Variants in ANXA10 observed in about 807,000 individuals in gnomAD.
ANXA10 encodes annexin 14.
In ANXA10, 49 loss-of-function variants were observed where a neutral mutation model predicts 53.5. That is an observed-to-expected ratio of 0.92 (90% CI 0.73 to 1.16). ANXA10 has a LOEUF of 1.16. ANXA10 is among the 50% of genes most tolerant of loss of function. ANXA10 has a pLI of 0.00. For synonymous variants in ANXA10, 131 were observed against 128.9 expected (o/e 1.02, Z -0.11); for missense variants, 393 against 394.4 (o/e 1.00, Z 0.03).
At chr4:168,172,022 G>A (rs545927691) in intron 6 of ANXA10, among the ~76,000 whole-genome samples, 9 of 152,172 alleles carry the variant, frequency 5.9e-5, no homozygotes, top group South Asian at 2.1e-4. Flanking sequence ...TCAATTCATC[G>A]CCTCCAAATA....
At chr4:168,103,948 T>C (rs897659824) in intron 1 of ANXA10, among the ~76,000 whole-genome samples, 1 of 151,968 alleles carries the variant, frequency 6.6e-6, no homozygotes, top group South Asian at 2.1e-4. Context: ...AATAACATTC[T>C]TGCTTTCTTC....
chr4:168,151,987 T>C (rs1216282354), intron 3 of ANXA10, among the ~76,000 whole-genome samples: 2 of 152,214 alleles, frequency 1.3e-5, no homozygotes, highest in Non-Finnish European at 2.9e-5. Flanking sequence ...ATTCACTCAT[T>C]CATTTTGTAC....
intron 2 of ANXA10, among the ~76,000 whole-genome samples, chr4:168,130,116 C>A (rs572786999): frequency 6.6e-6 from 1 of 152,060 alleles, no homozygotes; most frequent in Non-Finnish European, 1.5e-5. Flanking sequence ...TTTTTGAAAA[C>A]GTTCATTATG....
intron 3 of ANXA10, among the ~76,000 whole-genome samples, chr4:168,153,442 C>CAAAAAAAAAAAAAAAAAAAAAAAAA (rs1560782282): frequency 2.3e-5 from 1 of 42,934 alleles, no homozygotes; most frequent in Non-Finnish European, 4.8e-5. Flanking sequence ...AAAAAAAAAA[C>CAAAAAAAAAAAAAAAAAAAAAAAAA]AAAAACAAAA....
intron 1 of ANXA10, among the ~76,000 whole-genome samples, chr4:168,120,689 T>C (rs1730970992): frequency 6.6e-6 from 1 of 152,074 alleles, no homozygotes; most frequent in Non-Finnish European, 1.5e-5. Context: ...TTACATAATG[T>C]TTGTATTTGA....
At chr4:168,168,367 G>T (rs759403290) in intron 6 of ANXA10, among the ~76,000 whole-genome samples, 9 of 152,166 alleles carry the variant, frequency 5.9e-5, no homozygotes, top group Non-Finnish European at 1.2e-4. Flanking sequence ...GAAGTTATTT[G>T]TCTTCAAGGA....
At chr4:168,135,116 A>C (rs551173286) in intron 2 of ANXA10, among the ~76,000 whole-genome samples, 18 of 152,314 alleles carry the variant, frequency 1.2e-4, no homozygotes, top group African/African-American at 4.3e-4. Context: ...AGGGAGAGAG[A>C]GTGAACTCAA....
chr4:168,156,436 T>C (rs1269276940), intron 3 of ANXA10, among the ~76,000 whole-genome samples: 1 of 126,548 alleles, frequency 7.9e-6, no homozygotes, highest in Non-Finnish European at 1.6e-5. Context: ...CTATATAATA[T>C]ATAATTTTAT....
chr4:168,182,431 C>G (rs369948512), intron 10 of ANXA10, among the ~76,000 whole-genome samples: 10 of 139,574 alleles, frequency 7.2e-5, no homozygotes, highest in Non-Finnish European at 1.4e-4. Flanking sequence ...CCCGGGTTCA[C>G]GCCATTCTCC....
At chr4:168,125,143 G>A (rs899657923) in intron 1 of ANXA10, among the ~76,000 whole-genome samples, 1 of 152,176 alleles carries the variant, frequency 6.6e-6, no homozygotes, top group Non-Finnish European at 1.5e-5. Flanking sequence ...GGTGAGAAAT[G>A]CCTGAAGACC....
chr4:168,167,746 T>C (rs941737378), intron 6 of ANXA10, among the ~76,000 whole-genome samples: 1 of 152,214 alleles, frequency 6.6e-6, no homozygotes, highest in Admixed American at 6.5e-5. Flanking sequence ...TTCCTAGATA[T>C]ATTTCTCCGG....
rs1489472226 is a variant in ANXA10, at chr4:168,164,197, G to C, written c.310-1G>C. On this transcript the variant is annotated splice_acceptor_variant, in intron 4 of 11. Transcript: ENST00000359299. LOFTEE classifies it high-confidence loss of function. ...ATTTATCTCTTTTTTCCTTTCTCTA[G>C]GGAGTAGGCACTGATGAGAATTGCC... The C allele has an allele frequency of 6.2e-7, 1 of 1,600,304 alleles. No individual in the cohort carries two copies. Among genetic ancestry groups the C allele is most frequent in the Non-Finnish European group, 8.6e-7 (1 of 1,168,716 alleles).
At chr4:168,181,633 T>TA in intron 9 of ANXA10, 50 bp from the exon 10 acceptor site, 1 of 1,417,864 alleles carries the variant, frequency 7.1e-7, no homozygotes, top group Non-Finnish European at 9.9e-7. Context: ...CTGACGAAAA[T>TA]ATATGTTTTC....
chr4:168,164,612 A>G (rs1731842576), intron 5 of ANXA10, among the ~76,000 whole-genome samples: 1 of 152,190 alleles, frequency 6.6e-6, no homozygotes, highest in South Asian at 2.1e-4. Flanking sequence ...AAGACCCAGC[A>G]TATAGAAAAA....
intron 3 of ANXA10, among the ~76,000 whole-genome samples, chr4:168,141,507 T>G (rs1731324967): frequency 6.6e-6 from 1 of 152,208 alleles, no homozygotes; most frequent in Non-Finnish European, 1.5e-5. Flanking sequence ...CTTTGCCACT[T>G]TAATCCTTGA....
At chr4:168,156,218 TA>T (rs1731668532) in intron 3 of ANXA10, among the ~76,000 whole-genome samples, 1 of 26,584 alleles carries the variant, frequency 3.8e-5, no homozygotes, top group African/African-American at 1.9e-4. Context: ...ATATTATATG[TA>T]ATATGTATTA....
At chr4:168,161,432 T>A (rs774597085) in intron 3 of ANXA10, among the ~76,000 whole-genome samples, 14 of 152,236 alleles carry the variant, frequency 9.2e-5, no homozygotes, top group Non-Finnish European at 1.9e-4. Flanking sequence ...TCTGTTCTTG[T>A]ACCAGTACCA....
chr4:168,098,558 G>T (rs1421255701), intron 1 of ANXA10, among the ~76,000 whole-genome samples: 1 of 152,038 alleles, frequency 6.6e-6, no homozygotes, highest in African/African-American at 2.4e-5. Flanking sequence ...CAGAGTTTAT[G>T]CTGTCAATCT....
intron 1 of ANXA10, among the ~76,000 whole-genome samples, chr4:168,126,392 G>A (rs1258240026): frequency 1.3e-5 from 2 of 152,080 alleles, no homozygotes; most frequent in Non-Finnish European, 2.9e-5. Context: ...AACTTGTATT[G>A]CTTCTTTTTT....
Sources: allele counts gnomAD v4.1 joint callset (sites outside exome capture counted in the v4.1 genomes callset), GRCh38; gene constraint gnomAD v4.1.1; transcripts MANE v1.5; gene names NCBI Gene and HGNC (gene_info 2026-07-23, HGNC 2026-07-21).